RAB27A: variants seen among roughly 807,000 people sequenced by gnomAD.
The protein encoded by RAB27A is ras-related protein Rab-27A.
Under a neutral mutation model 20.8 loss-of-function variants are expected in RAB27A, and 17 were observed. The ratio of observed to expected loss-of-function variants is 0.82; its 90% confidence interval spans 0.56 to 1.23. The LOEUF (loss-of-function observed/expected upper bound fraction) is 1.23. Ranked by LOEUF, RAB27A falls within the 50% of genes most tolerant of loss-of-function variation. The pLI, the probability that RAB27A is intolerant of heterozygous loss-of-function variation, is 0.00. For missense variants in RAB27A, 277 were observed against 266.7 expected (o/e 1.04, Z -0.27); for synonymous variants, 85 against 92.8 (o/e 0.92, Z 0.48).
intron 2 of RAB27A, among the ~76,000 whole-genome samples, chr15:55,262,346 C>G (rs1212067664): frequency 2.0e-5 from 3 of 151,870 alleles, no homozygotes; most frequent in East Asian, 2.0e-4. Context: ...TCCAGACCAT[C>G]CTGGCTAACA....
intron 6 of RAB27A, among the ~76,000 whole-genome samples, chr15:55,211,677 A>C (rs1219442442): frequency 6.6e-6 from 1 of 152,126 alleles, no homozygotes; most frequent in Non-Finnish European, 1.5e-5. Context: ...TTAGAAAAAA[A>C]CTCTTAAAGC....
At chr15:55,314,991 C>T (rs1399404836) in intron 1 of RAB27A, among the ~76,000 whole-genome samples, 1 of 152,186 alleles carries the variant, frequency 6.6e-6, no homozygotes, top group Admixed American at 6.5e-5. Flanking sequence ...CTGGAGGCAT[C>T]AAGCTACCTG....
chr15:55,237,148 C>A (rs1896292618), intron 2 of RAB27A, among the ~76,000 whole-genome samples: 1 of 152,162 alleles, frequency 6.6e-6, no homozygotes. Flanking sequence ...TGACTCCCGG[C>A]GTTATCCCCT....
intron 2 of RAB27A, among the ~76,000 whole-genome samples, chr15:55,264,664 C>A (rs1897397308): frequency 6.6e-6 from 1 of 152,134 alleles, no homozygotes; most frequent in Non-Finnish European, 1.5e-5. Flanking sequence ...TCTCCAAAAT[C>A]TGTTAATAAT....
intron 2 of RAB27A, among the ~76,000 whole-genome samples, chr15:55,303,620 G>T (rs1174660112): frequency 1.0e-5 from 1 of 96,926 alleles, no homozygotes; most frequent in African/African-American, 4.1e-5. Context: ...GAGGGGGTCG[G>T]CCCCCCGCCC....
At chr15:55,265,574 C>G (rs1897443622) in intron 2 of RAB27A, among the ~76,000 whole-genome samples, 1 of 151,834 alleles carries the variant, frequency 6.6e-6, no homozygotes, top group African/African-American at 2.4e-5. Context: ...ATTCTTGATG[C>G]CAATCCAAAA....
intron 1 of RAB27A, among the ~76,000 whole-genome samples, chr15:55,316,068 C>T (rs1253515149): frequency 6.6e-6 from 1 of 152,004 alleles, no homozygotes; most frequent in Admixed American, 6.6e-5. Flanking sequence ...CCCATCTCTA[C>T]TAAAAATACA....
chr15:55,288,323 C>T (rs576885092), intron 1 of RAB27A, among the ~76,000 whole-genome samples: 95 of 152,130 alleles, frequency 6.2e-4, no homozygotes, highest in South Asian at 5.6e-3. Context: ...GAGTTCAAGA[C>T]CAGCCTGGCC....
chr15:55,303,242 C>T (rs2054981835), intron 2 of RAB27A, among the ~76,000 whole-genome samples: 1 of 95,734 alleles, frequency 1.0e-5, no homozygotes, highest in South Asian at 3.6e-4. Context: ...GCCAGCCGCC[C>T]TGTCCGGGAG....
At chr15:55,217,866 T>G (rs1595680676) in intron 6 of RAB27A, among the ~76,000 whole-genome samples, 1 of 152,024 alleles carries the variant, frequency 6.6e-6, no homozygotes, top group East Asian at 1.9e-4. Context: ...TAAAGGCCAT[T>G]TGGAGTACAT....
At chr15:55,266,679 G>A (rs139233374) in intron 2 of RAB27A, among the ~76,000 whole-genome samples, 18 of 152,248 alleles carry the variant, frequency 1.2e-4, no homozygotes, top group African/African-American at 3.6e-4. Flanking sequence ...CACAACAACC[G>A]TATAAGGTCC....
At chr15:55,254,337 C>T (rs1228756168) in intron 2 of RAB27A, among the ~76,000 whole-genome samples, 1 of 151,896 alleles carries the variant, frequency 6.6e-6, no homozygotes, top group African/African-American at 2.4e-5. Flanking sequence ...TAAAAATAAA[C>T]CAACACATCT....
upstream of RAB27A, chr15:55,290,192 T>C (rs750395189): frequency 2.0e-5 from 3 of 152,192 alleles, no homozygotes; most frequent in Non-Finnish European, 2.9e-5. Context: ...AAGGGTGTTT[T>C]CCACGGCATC....
intron 2 of RAB27A, among the ~76,000 whole-genome samples, chr15:55,300,162 G>A (rs1282698020): frequency 6.6e-6 from 1 of 152,098 alleles, no homozygotes; most frequent in Non-Finnish European, 1.5e-5. Context: ...ATGAAAGAAA[G>A]TATCTTTGTA....
intron 2 of RAB27A, among the ~76,000 whole-genome samples, chr15:55,264,788 T>C (rs1374046748): frequency 1.3e-5 from 2 of 152,164 alleles, no homozygotes; most frequent in Non-Finnish European, 2.9e-5. Flanking sequence ...TGAAATTCAT[T>C]CAGTCATTTA....
At chr15:55,223,043 C>T (rs891805774) in intron 6 of RAB27A, among the ~76,000 whole-genome samples, 2 of 152,086 alleles carry the variant, frequency 1.3e-5, no homozygotes, top group African/African-American at 4.8e-5. Flanking sequence ...TCAAGGAGAA[C>T]GACAGTATTT....
intron 6 of RAB27A, among the ~76,000 whole-genome samples, chr15:55,217,823 C>A (rs1240463743): frequency 6.6e-6 from 1 of 151,910 alleles, no homozygotes; most frequent in African/African-American, 2.4e-5. Context: ...TTCAGCACTG[C>A]TCATCGTTAT....
intron 2 of RAB27A, among the ~76,000 whole-genome samples, chr15:55,312,999 C>T (rs773491190): frequency 6.6e-6 from 1 of 152,108 alleles, no homozygotes; most frequent in African/African-American, 2.4e-5. Flanking sequence ...CCTTGAGCCC[C>T]GGTCCCAGAA....
At chr15:55,306,075 G>A (rs180950891) in intron 2 of RAB27A, among the ~76,000 whole-genome samples, 6 of 152,280 alleles carry the variant, frequency 3.9e-5, no homozygotes, top group African/African-American at 1.4e-4. Flanking sequence ...AGGTACCACA[G>A]ACAAAAAATA....
Sources: allele counts gnomAD v4.1 joint callset (sites outside exome capture counted in the v4.1 genomes callset), GRCh38; gene constraint gnomAD v4.1.1; transcripts MANE v1.5; gene names NCBI Gene and HGNC (gene_info 2026-07-23, HGNC 2026-07-21).